Variants in NELL1 observed in about 807,000 individuals in gnomAD.
The protein encoded by NELL1 is protein kinase C-binding protein NELL1.
NELL1 carries 76 observed loss-of-function variants against 107.4 expected under a neutral mutation model. That is an observed-to-expected ratio of 0.71 (90% confidence interval 0.59 to 0.86). The LOEUF is 0.86. Among genes scored for constraint, NELL1 ranks in the 40% least tolerant of loss-of-function variants. NELL1 has a pLI of 0.00. For missense variants in NELL1, 1,024 were observed against 1,005.5 expected (o/e 1.02, Z -0.25); for synonymous variants, 353 against 341.2 (o/e 1.03, Z -0.38).
At chr11:21,041,569 A>G (rs1477660088) in intron 12 of NELL1, among the ~76,000 whole-genome samples, 1 of 152,110 alleles carries the variant, frequency 6.6e-6, no homozygotes, top group East Asian at 1.9e-4. Flanking sequence ...GCTCTGTAAG[A>G]CCATAGTTCC....
intron 5 of NELL1, among the ~76,000 whole-genome samples, chr11:20,894,487 A>T (rs911602779): frequency 6.6e-6 from 1 of 152,246 alleles, no homozygotes; most frequent in African/African-American, 2.4e-5. Flanking sequence ...CACTTCACAA[A>T]AGGGAATGTC....
intron 12 of NELL1, among the ~76,000 whole-genome samples, chr11:21,089,349 A>C (rs1328135475): frequency 6.6e-6 from 1 of 152,208 alleles, no homozygotes; most frequent in East Asian, 1.9e-4. Flanking sequence ...AATTCATCCA[A>C]ACATTTAAAT....
chr11:21,050,931 G>A (rs1438499172), intron 12 of NELL1, among the ~76,000 whole-genome samples: 2 of 152,140 alleles, frequency 1.3e-5, no homozygotes, highest in African/African-American at 4.8e-5. Context: ...CCTAGCTGCT[G>A]AGGTTGATGG....
At chr11:21,544,284 G>T (rs2133981938) in intron 16 of NELL1, among the ~76,000 whole-genome samples, 1 of 152,084 alleles carries the variant, frequency 6.6e-6, no homozygotes, top group South Asian at 2.1e-4. Context: ...TAAGCTAGGT[G>T]GTAGGTAGGA....
intron 12 of NELL1, among the ~76,000 whole-genome samples, chr11:21,050,661 T>C (rs1853470319): frequency 6.6e-6 from 1 of 152,198 alleles, no homozygotes; most frequent in South Asian, 2.1e-4. Flanking sequence ...ATGTTTTCTC[T>C]GTTAATGTCT....
At chr11:21,127,393 A>G (rs145349762) in intron 13 of NELL1, among the ~76,000 whole-genome samples, 8 of 152,262 alleles carry the variant, frequency 5.3e-5, no homozygotes, top group East Asian at 1.9e-4. Context: ...CTAGGCATTC[A>G]AAACCAGCCT....
intron 3 of NELL1, among the ~76,000 whole-genome samples, chr11:20,833,629 A>C (rs961959157): frequency 6.6e-6 from 1 of 152,210 alleles, no homozygotes; most frequent in Non-Finnish European, 1.5e-5. Context: ...TGAGAAAAAT[A>C]TTTAAGTACA....
intron 14 of NELL1, among the ~76,000 whole-genome samples, chr11:21,330,454 G>T (rs1426898290): frequency 6.6e-6 from 1 of 150,706 alleles, no homozygotes; most frequent in Non-Finnish European, 1.5e-5. Context: ...TCTGAAAATG[G>T]CTCTTTTTTT....
intron 12 of NELL1, among the ~76,000 whole-genome samples, chr11:21,003,423 C>A (rs1852265714): frequency 6.6e-6 from 1 of 152,094 alleles, no homozygotes; most frequent in African/African-American, 2.4e-5. Context: ...TTTGCTAGGT[C>A]ACATAAATCT....
chr11:20,975,585 T>C (rs1851590855), intron 12 of NELL1, among the ~76,000 whole-genome samples: 3 of 143,088 alleles, frequency 2.1e-5, no homozygotes, highest in Admixed American at 7.1e-5. Context: ...TATATACACA[T>C]ATGTAGATAT....
chr11:21,035,516 C>A (rs145116405), intron 12 of NELL1, among the ~76,000 whole-genome samples: 23 of 151,332 alleles, frequency 1.5e-4, no homozygotes, highest in Non-Finnish European at 2.9e-4. Flanking sequence ...TCCAGCAGCA[C>A]ATCAGAAAGC....
intron 12 of NELL1, among the ~76,000 whole-genome samples, chr11:21,009,543 A>G (rs1852402784): frequency 6.6e-6 from 1 of 152,030 alleles, no homozygotes; most frequent in Non-Finnish European, 1.5e-5. Flanking sequence ...CAGAGCTCAC[A>G]TGCAACGTGG....
intron 14 of NELL1, among the ~76,000 whole-genome samples, chr11:21,352,088 C>T (rs904346946): frequency 1.2e-4 from 19 of 152,060 alleles, no homozygotes; most frequent in Non-Finnish European, 1.3e-4. Context: ...CTAGAGTACT[C>T]ATCACCACAC....
At chr11:20,913,772 C>T (rs1850185768) in intron 5 of NELL1, among the ~76,000 whole-genome samples, 1 of 144,250 alleles carries the variant, frequency 6.9e-6, no homozygotes, top group South Asian at 2.1e-4. Context: ...CTCAGATCAG[C>T]TGAGGTTCAT....
At chr11:20,736,910 A>ATTTTTTTTTG in intron 2 of NELL1, among the ~76,000 whole-genome samples, 1 of 151,946 alleles carries the variant, frequency 6.6e-6, no homozygotes, top group Middle Eastern at 3.4e-3. Context: ...ATGTGCCACC[A>ATTTTTTTTTG]TGCCTGGCTA....
At chr11:21,001,236 A>C (rs1227982645) in intron 12 of NELL1, among the ~76,000 whole-genome samples, 1 of 152,112 alleles carries the variant, frequency 6.6e-6, no homozygotes, top group Non-Finnish European at 1.5e-5. Context: ...AAGTGGTTGG[A>C]AAGGTATGAG....
intron 17 of NELL1, among the ~76,000 whole-genome samples, chr11:21,561,467 A>G (rs948169028): frequency 4.6e-5 from 7 of 152,212 alleles, no homozygotes; most frequent in African/African-American, 1.2e-4. Flanking sequence ...CAGCCACCCT[A>G]TAATTCAAAA....
At chr11:20,709,061 G>C (rs1474515895) in intron 2 of NELL1, among the ~76,000 whole-genome samples, 3 of 152,132 alleles carry the variant, frequency 2.0e-5, no homozygotes, top group African/African-American at 4.8e-5. Context: ...GGTAATGCTT[G>C]CTTCTTTACT....
chr11:20,813,621 A>G (rs970865536), intron 3 of NELL1, among the ~76,000 whole-genome samples: 3 of 152,224 alleles, frequency 2.0e-5, no homozygotes, highest in Non-Finnish European at 4.4e-5. Flanking sequence ...ATTCAAACCA[A>G]CAAGAGGTGG....
Sources: allele counts gnomAD v4.1 joint callset (sites outside exome capture counted in the v4.1 genomes callset), GRCh38; gene constraint gnomAD v4.1.1; transcripts MANE v1.5; gene names NCBI Gene and HGNC (gene_info 2026-07-23, HGNC 2026-07-21).